The following KCNIP1 variants were observed in gnomAD, a reference collection of about 807,000 sequenced individuals.
KCNIP1 encodes the protein potassium voltage-gated channel interacting protein 1.
In KCNIP1, 18 loss-of-function variants were observed where a neutral mutation model predicts 33.0. That is an observed-to-expected ratio of 0.55 (90% confidence interval 0.38 to 0.81). The LOEUF is 0.81. KCNIP1 is among the 30% of genes least tolerant of loss of function. The pLI, the probability that KCNIP1 is intolerant of heterozygous loss-of-function variation, is 0.00. For synonymous variants in KCNIP1, 93 were observed against 98.3 expected, an observed-to-expected ratio of 0.95 and a Z score of 0.32; for missense variants, 238 against 271.6, an observed-to-expected ratio of 0.88 and a Z score of 0.87.
At chr5:170,544,484 G>A (rs1008221177) in intron 1 of KCNIP1, among the ~76,000 whole-genome samples, 9 of 151,876 alleles carry the variant, frequency 5.9e-5, no homozygotes, top group Non-Finnish European at 8.8e-5. Flanking sequence ...TGATGCATAG[G>A]CTACTGTTCA....
At chr5:170,715,712 G>C (rs1763622401) in intron 1 of KCNIP1, among the ~76,000 whole-genome samples, 1 of 152,260 alleles carries the variant, frequency 6.6e-6, no homozygotes, top group Non-Finnish European at 1.5e-5. Flanking sequence ...AACAAAAGGT[G>C]CTCTAATTTA....
At chr5:170,376,781 C>G (rs899400774) in intron 1 of KCNIP1, 1 of 151,992 alleles carries the variant, frequency 6.6e-6, no homozygotes, top group Non-Finnish European at 1.5e-5. Flanking sequence ...AGACTTAATA[C>G]CTGGGTGATG....
At chr5:170,474,821 A>C (rs1049416265) in intron 1 of KCNIP1, among the ~76,000 whole-genome samples, 1 of 152,224 alleles carries the variant, frequency 6.6e-6, no homozygotes, top group South Asian at 2.1e-4. Context: ...CAGCCCTCAA[A>C]GGTGGCAAGG....
intron 1 of KCNIP1, chr5:170,378,817 G>A (rs1764114930): frequency 6.2e-7 from 1 of 1,614,118 alleles, no homozygotes; most frequent in Admixed American, 1.7e-5. Flanking sequence ...AGGAGGGCCT[G>A]GGGCCCGTAG....
At chr5:170,502,353 C>T (rs927988530), upstream of KCNIP1, among the ~76,000 whole-genome samples, 1 of 152,146 alleles carries the variant, frequency 6.6e-6, no homozygotes, top group African/African-American at 2.4e-5. Context: ...ATTCAAGGAC[C>T]CTGGCCAAGT....
At chr5:170,654,251 G>A (rs9313516) in intron 1 of KCNIP1, among the ~76,000 whole-genome samples, 30,107 of 152,064 alleles carry the variant, frequency 0.2, 3,837 homozygotes, top group African/African-American at 0.36. Flanking sequence ...CTAGGCACCC[G>A]TTTTCCACAT....
chr5:170,620,560 G>A lies in KCNIP1; in HGVS notation c.62-98198G>A, dbSNP rs554120767. Reference sequence around the variant, plus strand: ...GGGGCTACGCATCACAGAAAATGATGCCAAAGTCCTGCTCAAACTGTGCCT... The same window carrying A: ...GGGGCTACGCATCACAGAAAATGATACCAAAGTCCTGCTCAAACTGTGCCT... On this transcript the variant is annotated intron_variant, in intron 1 of 7. Transcript: ENST00000328939. Among the ~76,000 whole-genome samples the A allele has an allele frequency of 2.3e-3, 343 of 152,300 alleles. 1 individual carries two copies. The highest frequency in any genetic ancestry group is 3.6e-3 in the Non-Finnish European group (246 of 68,026).
intron 1 of KCNIP1, among the ~76,000 whole-genome samples, chr5:170,686,648 G>C (rs763405297): frequency 6.6e-6 from 1 of 152,124 alleles, no homozygotes; most frequent in Admixed American, 6.5e-5. Context: ...AGCTGACCCC[G>C]GCCTGTGAGT....
intron 1 of KCNIP1, among the ~76,000 whole-genome samples, chr5:170,571,066 C>T (rs537338284): frequency 1.4e-4 from 21 of 152,322 alleles, no homozygotes; most frequent in African/African-American, 4.1e-4. Context: ...GTTTTGGTCA[C>T]GCTCAGATTC....
At chr5:170,508,166 G>T (rs1320414742) in intron 1 of KCNIP1, among the ~76,000 whole-genome samples, 1 of 152,242 alleles carries the variant, frequency 6.6e-6, no homozygotes, top group Admixed American at 6.5e-5. Flanking sequence ...CACTACAGGG[G>T]TGGCTGGGTT....
chr5:170,497,470 G>A (rs1028632602), intron 1 of KCNIP1, among the ~76,000 whole-genome samples: 11 of 152,184 alleles, frequency 7.2e-5, no homozygotes, highest in Non-Finnish European at 1.5e-4. Flanking sequence ...GTCCAAGGCT[G>A]TGTTTCACTG....
At chr5:170,696,125 C>T (rs1046802457) in intron 1 of KCNIP1, among the ~76,000 whole-genome samples, 2 of 152,052 alleles carry the variant, frequency 1.3e-5, no homozygotes, top group African/African-American at 2.4e-5. Context: ...TGCTTCACCT[C>T]GTAGTGTTCA....
intron 1 of KCNIP1, among the ~76,000 whole-genome samples, chr5:170,698,904 G>T (rs1282427833): frequency 2.0e-5 from 3 of 152,116 alleles, no homozygotes; most frequent in African/African-American, 7.2e-5. Flanking sequence ...ACGACATGTT[G>T]CCATGGCTAC....
chr5:170,395,320 G>A (rs1006810499), intron 1 of KCNIP1, among the ~76,000 whole-genome samples: 1 of 152,086 alleles, frequency 6.6e-6, no homozygotes, highest in Non-Finnish European at 1.5e-5. Context: ...ATCTCATTGT[G>A]GTTTAATTTG....
At chr5:170,619,945 A>T (rs1262043120) in intron 1 of KCNIP1, among the ~76,000 whole-genome samples, 1 of 152,212 alleles carries the variant, frequency 6.6e-6, no homozygotes, top group Non-Finnish European at 1.5e-5. Flanking sequence ...CTGAAGAAGG[A>T]GAGAGAGGCA....
chr5:170,521,542 TG>T, intron 1 of KCNIP1, among the ~76,000 whole-genome samples: 2 of 152,334 alleles, frequency 1.3e-5, no homozygotes, highest in Non-Finnish European at 2.9e-5. Flanking sequence ...TGCAATGTCA[TG>T]TCTGTGGCTG....
intron 1 of KCNIP1, among the ~76,000 whole-genome samples, chr5:170,515,108 T>C (rs961281482): frequency 6.6e-6 from 1 of 152,204 alleles, no homozygotes; most frequent in Non-Finnish European, 1.5e-5. Flanking sequence ...AAGAACAGTG[T>C]TCACACCAGC....
At chr5:170,637,648 C>T (rs992312637) in intron 1 of KCNIP1, among the ~76,000 whole-genome samples, 5 of 152,156 alleles carry the variant, frequency 3.3e-5, no homozygotes, top group Admixed American at 3.3e-4. Flanking sequence ...TGCAGACACC[C>T]ACGAGGCTCA....
chr5:170,670,548 G>A (rs1286745522), intron 1 of KCNIP1, among the ~76,000 whole-genome samples: 1 of 152,098 alleles, frequency 6.6e-6, no homozygotes, highest in Non-Finnish European at 1.5e-5. Context: ...CACCAATTTG[G>A]TTAACCCGAG....
Sources: allele counts gnomAD v4.1 joint callset (sites outside exome capture counted in the v4.1 genomes callset), GRCh38; gene constraint gnomAD v4.1.1; transcripts MANE v1.5; gene names NCBI Gene and HGNC (gene_info 2026-07-23, HGNC 2026-07-21).